Variants in MYO18B observed in about 807,000 individuals in gnomAD.
MYO18B encodes unconventional myosin-XVIIIb.
A neutral mutation model predicts 273.0 loss-of-function variants in MYO18B; 204 were observed. The observed-to-expected ratio is 0.75, with a 90% CI of 0.67 to 0.84. The LOEUF (loss-of-function observed/expected upper bound fraction) is 0.84, where lower values mean the gene tolerates loss of function less well. Ranked by LOEUF, MYO18B falls within the 40% of genes least tolerant of loss-of-function variation. The pLI, the probability that MYO18B is intolerant of heterozygous loss-of-function variation, is 0.00. For missense variants in MYO18B, 3,212 were observed against 3,287.6 expected (o/e 0.98, Z 0.56); for synonymous variants, 1,330 against 1,305.7 (o/e 1.02, Z -0.40).
At chr22:25,757,015 C>A (rs185223442) in intron 1 of MYO18B, among the ~76,000 whole-genome samples, 1 of 152,022 alleles carries the variant, frequency 6.6e-6, no homozygotes, top group East Asian at 1.9e-4. Flanking sequence ...GAGCCGAGAT[C>A]GTGCCACTGC....
intron 12 of MYO18B, among the ~76,000 whole-genome samples, chr22:25,809,272 C>T (rs938486773): frequency 2.6e-5 from 4 of 152,080 alleles, no homozygotes; most frequent in Admixed American, 2.6e-4. Flanking sequence ...TCCCTGTGGT[C>T]CTGTAGCTGT....
rs780085563 is a variant in MYO18B, at chr22:25,921,315, A to G, written c.5423A>G (p.His1808Arg). 35 of 1,567,448 alleles carry G rather than the reference A, an allele frequency of 2.2e-5. No homozygotes were observed. The highest frequency in any genetic ancestry group is 1.7e-4 in the Middle Eastern group (1 of 6,016). The change falls in exon 34 of 44, where the codon CAT becomes CGT. Residue 1808 changes from histidine (H) to arginine (R), a missense_variant. Physicochemically the swap from His to Arg is conservative, Grantham distance 29. Transcript: ENST00000335473. Reference sequence around the variant, plus strand: ...CTTCGGAGAGACCTCAGGAGGACACATGCACTGTTGTCAGACGTGCAGCTC... The same window carrying G: ...CTTCGGAGAGACCTCAGGAGGACACGTGCACTGTTGTCAGACGTGCAGCTC... ...KRLRRDLRRTHALLSDVQLLL... is the reference protein window; with the variant it reads ...KRLRRDLRRTRALLSDVQLLL...
chr22:25,769,351 C>T lies in MYO18B; in HGVS notation c.1435C>T (p.Arg479Trp), dbSNP rs540637749. 31 of 1,576,640 alleles carry T rather than the reference C, an allele frequency of 2.0e-5. No homozygotes were observed. The highest frequency in any genetic ancestry group is 1.4e-4 in the East Asian group (6 of 42,826). ...PALEKDAERP[R>W]IRKENQDGPA... The stretch of plus-strand genomic sequence containing the variant: ...TCTGGAGAAGGATGCAGAAAGGCCT[C>T]GGATACGGAAGGAGAACCAAGACGG... Residue 479 changes from arginine to tryptophan, a missense_variant, in exon 4 of 44, where the codon CGG (arginine) becomes TGG (tryptophan). Arg to Trp is a moderately radical substitution (Grantham distance 101). Transcript: ENST00000335473.
intron 21 of MYO18B, among the ~76,000 whole-genome samples, chr22:25,861,194 G>A (rs76851922): frequency 0.035 from 5,353 of 152,140 alleles, 137 homozygotes; most frequent in Middle Eastern, 0.1. Flanking sequence ...TGTTGCTATC[G>A]TTTATGTTTA....
intron 34 of MYO18B, among the ~76,000 whole-genome samples, chr22:25,934,719 G>T (rs950492916): frequency 1.3e-5 from 2 of 152,118 alleles, no homozygotes; most frequent in Non-Finnish European, 2.9e-5. Context: ...AAAAATGGTT[G>T]CATTCTTTTG....
At chr22:25,807,425 CTT>C (rs1392219768) in intron 12 of MYO18B, among the ~76,000 whole-genome samples, 1 of 152,198 alleles carries the variant, frequency 6.6e-6, no homozygotes, top group Non-Finnish European at 1.5e-5. Flanking sequence ...TGAACAATCA[CTT>C]TATTATTTCC....
intron 39 of MYO18B, among the ~76,000 whole-genome samples, chr22:25,988,559 A>G (rs1361912951): frequency 5.3e-5 from 8 of 152,086 alleles, no homozygotes; most frequent in Non-Finnish European, 8.8e-5. Context: ...CTCACCTTCT[A>G]TGCAGCCCTT....
intron 39 of MYO18B, chr22:25,965,035 T>C (rs1279495053): frequency 6.6e-6 from 1 of 152,260 alleles, no homozygotes; most frequent in Non-Finnish European, 1.5e-5. Flanking sequence ...GCAGACTGTG[T>C]ACTTTTAATC....
chr22:25,780,895 C>A (rs2087120829), intron 9 of MYO18B, among the ~76,000 whole-genome samples: 1 of 152,164 alleles, frequency 6.6e-6, no homozygotes, highest in Non-Finnish European at 1.5e-5. Context: ...GTGACGAACA[C>A]ATGGCCTGTT....
intron 39 of MYO18B, among the ~76,000 whole-genome samples, chr22:25,983,790 C>G (rs1011162131): frequency 1.3e-5 from 2 of 152,220 alleles, no homozygotes; most frequent in African/African-American, 4.8e-5. Context: ...ATCAGGGACT[C>G]TCCTCCTCCA....
chr22:25,853,632 T>A (rs1159064121), intron 21 of MYO18B, among the ~76,000 whole-genome samples: 1 of 152,028 alleles, frequency 6.6e-6, no homozygotes, highest in Non-Finnish European at 1.5e-5. Flanking sequence ...TCCTCTGTGG[T>A]TGAAAATGGT....
At chr22:25,946,302 G>A in intron 35 of MYO18B, 52 bp downstream of exon 35, 1 of 1,339,822 alleles carries the variant, frequency 7.5e-7, no homozygotes, top group Non-Finnish European at 1.0e-6. Context: ...TAGGCCTCTG[G>A]GAGCTAGTGT....
chr22:25,798,132 A>C, intron 12 of MYO18B, 35 bp downstream of exon 12: 1 of 1,569,162 alleles, frequency 6.4e-7, no homozygotes, highest in Non-Finnish European at 8.7e-7. Context: ...CTGGGAGGGC[A>C]GCTGTCTCCT....
intron 41 of MYO18B, among the ~76,000 whole-genome samples, 180 bp downstream of exon 41, chr22:26,003,489 C>CT (rs1934162131): frequency 1.3e-5 from 2 of 152,144 alleles, no homozygotes; most frequent in Non-Finnish European, 2.9e-5. Flanking sequence ...TGCCCTAGTT[C>CT]TTTTAGACAG....
In MYO18B at chr22:25,766,792, C is replaced by T. The variant is rs1167464178; in HGVS notation, c.199-1323C>T. ...TTCCTTGTTGAGGAATTTGAAAGAC[C>T]AATGGTGGTGCCAAATGATTTTCCT... On this transcript the variant is annotated intron_variant, in intron 3 of 43. Transcript: ENST00000335473. Among the ~76,000 whole-genome samples, 4 of 152,152 alleles carry T rather than the reference C, an allele frequency of 2.6e-5. No individual in the cohort carries two copies. In the East Asian group the frequency reaches 7.7e-4, roughly 29 times the overall value.
chr22:25,923,847 CCA>C (rs991948525), intron 34 of MYO18B, among the ~76,000 whole-genome samples: 8 of 152,178 alleles, frequency 5.3e-5, no homozygotes, highest in Non-Finnish European at 1.2e-4. Context: ...TGAAAAGAAA[CCA>C]CACAGAGATT....
At chr22:25,805,214 TCATCTGCATTCTGCAGATGA>T (rs1276016059) in intron 12 of MYO18B, among the ~76,000 whole-genome samples, 1 of 152,064 alleles carries the variant, frequency 6.6e-6, no homozygotes, top group Non-Finnish European at 1.5e-5. Flanking sequence ...CCAGATAAAC[TCATCTGCATTCTGCAGATGA>T]GGAAACTGAA....
At chr22:26,060,053 C>T in the MYO18B span, among the ~76,000 whole-genome samples, 1 of 152,200 alleles carries the variant, frequency 6.6e-6, no homozygotes, top group Admixed American at 6.5e-5. Flanking sequence ...GTGATCAGTG[C>T]AGTACAGGAT....
At position 25,952,346 on chromosome 22, in the gene MYO18B, G is replaced by A. The variant is rs1020839140; in HGVS notation, c.5893G>A (p.Val1965Ile). Residue 1965 changes from valine to isoleucine, a missense_variant, in exon 38 of 44, where the codon GTC becomes ATC. By Grantham distance (29) the Val-to-Ile change is conservative (BLOSUM62 3). Coordinates refer to ENST00000335473, the MANE Select transcript of MYO18B (RefSeq NM_032608.7). The part of the protein sequence containing the change: ...LEQSTVDRAI[V>I]SRQEAVICDL... ...ACAGTCCACCGTGGATCGAGCCATCGTCAGCAGGCAGGAGGCGGTCATCTG... is the reference window on the plus strand; with the variant it reads ...ACAGTCCACCGTGGATCGAGCCATCATCAGCAGGCAGGAGGCGGTCATCTG... 6.2e-6 allele frequency: 10 copies of A among 1,612,412 alleles called. No individual in the cohort carries two copies. In the South Asian group the frequency reaches 6.6e-5, roughly 11 times the overall value.
Sources: gnomAD v4.1 joint callset for allele counts (sites outside exome capture counted in the v4.1 genomes callset) on GRCh38, gnomAD v4.1.1 for gene constraint, MANE v1.5 for transcripts, NCBI Gene and HGNC (gene_info 2026-07-23, HGNC 2026-07-21) for gene names.